PTPRR: variants seen among roughly 807,000 people sequenced by gnomAD.
The protein encoded by PTPRR is receptor-type tyrosine-protein phosphatase R.
In PTPRR, 38 loss-of-function variants were observed where a neutral mutation model predicts 77.2. That is an observed-to-expected ratio of 0.49 (90% CI 0.38 to 0.65). PTPRR has a LOEUF of 0.65. Among genes scored for constraint, PTPRR ranks in the 30% least tolerant of loss-of-function variants. The pLI is 0.00. For missense variants in PTPRR, 744 were observed against 799.2 expected (o/e 0.93, Z 0.83); for synonymous variants, 299 against 283.1 (o/e 1.06, Z -0.57).
intron 2 of PTPRR, among the ~76,000 whole-genome samples, chr12:70,866,151 A>G (rs1892841246): frequency 6.6e-6 from 1 of 152,086 alleles, no homozygotes; most frequent in South Asian, 2.1e-4. Flanking sequence ...AAACACATTC[A>G]AAAGCTAGCA....
chr12:70,709,764 T>C (rs1888756205), intron 6 of PTPRR, among the ~76,000 whole-genome samples: 1 of 152,050 alleles, frequency 6.6e-6, no homozygotes, highest in South Asian at 2.1e-4. Flanking sequence ...ATAAAATACC[T>C]AGGAATACAG....
At chr12:70,762,676 T>C (rs997922743) in intron 3 of PTPRR, among the ~76,000 whole-genome samples, 4 of 152,260 alleles carry the variant, frequency 2.6e-5, no homozygotes, top group Non-Finnish European at 4.4e-5. Context: ...ATCTCATTTA[T>C]TGCTCAAAAC....
At chr12:70,743,194 A>C (rs549843682) in intron 6 of PTPRR, among the ~76,000 whole-genome samples, 4 of 152,294 alleles carry the variant, frequency 2.6e-5, no homozygotes, top group African/African-American at 9.6e-5. Context: ...CATGCAAGAA[A>C]CAGAAAAATG....
intron 6 of PTPRR, among the ~76,000 whole-genome samples, chr12:70,741,101 G>C (rs570061439): frequency 6.6e-6 from 1 of 152,228 alleles, no homozygotes; most frequent in Middle Eastern, 3.4e-3. Flanking sequence ...GTAACTGCTG[G>C]GAGTTAACCT....
At chr12:70,837,968 C>T (rs1892333364) in intron 2 of PTPRR, among the ~76,000 whole-genome samples, 3 of 151,992 alleles carry the variant, frequency 2.0e-5, no homozygotes, top group Admixed American at 2.0e-4. Flanking sequence ...AGTTGTATGC[C>T]AGGAAATGAG....
chr12:70,776,153 T>A (rs1004605687), intron 2 of PTPRR, among the ~76,000 whole-genome samples: 1 of 152,188 alleles, frequency 6.6e-6, no homozygotes, highest in Non-Finnish European at 1.5e-5. Context: ...CTTCTCTTTC[T>A]ACATTCACAT....
intron 2 of PTPRR, among the ~76,000 whole-genome samples, chr12:70,878,242 T>A (rs899065763): frequency 6.6e-6 from 1 of 151,996 alleles, no homozygotes; most frequent in Admixed American, 6.5e-5. Context: ...AAGCCAAAAT[T>A]GACAAATGGG....
chr12:70,775,259 T>G (rs964030830), intron 2 of PTPRR, among the ~76,000 whole-genome samples: 1 of 152,186 alleles, frequency 6.6e-6, no homozygotes, highest in Admixed American at 6.5e-5. Flanking sequence ...ACCAGGCCTC[T>G]GTCTTGTTAG....
chr12:70,762,408 C>T (rs1890713889), intron 3 of PTPRR, among the ~76,000 whole-genome samples: 1 of 152,126 alleles, frequency 6.6e-6, no homozygotes, highest in African/African-American at 2.4e-5. Flanking sequence ...TTCTTTCTGA[C>T]ACATGGAGAG....
At chr12:70,845,796 C>T (rs1892474942) in intron 2 of PTPRR, among the ~76,000 whole-genome samples, 1 of 152,144 alleles carries the variant, frequency 6.6e-6, no homozygotes, top group South Asian at 2.1e-4. Flanking sequence ...TAAATTGCTA[C>T]ATTTCTCTCT....
At chr12:70,814,395 C>A (rs191111284) in intron 2 of PTPRR, among the ~76,000 whole-genome samples, 1 of 152,210 alleles carries the variant, frequency 6.6e-6, no homozygotes, top group East Asian at 1.9e-4. Flanking sequence ...GATCCCGGTG[C>A]CCCTTTCTCT....
intron 2 of PTPRR, among the ~76,000 whole-genome samples, chr12:70,875,799 T>C (rs570430070): frequency 5.9e-5 from 9 of 152,270 alleles, no homozygotes; most frequent in Non-Finnish European, 1.3e-4. Flanking sequence ...TGGATTATGT[T>C]CCAATAAACA....
At chr12:70,848,161 C>A (rs766986118) in intron 2 of PTPRR, among the ~76,000 whole-genome samples, 1 of 152,124 alleles carries the variant, frequency 6.6e-6, no homozygotes, top group African/African-American at 2.4e-5. Flanking sequence ...CAGGCCTAAA[C>A]GAACTGTCAA....
intron 4 of PTPRR, among the ~76,000 whole-genome samples, chr12:70,759,347 GT>G (rs1890635136): frequency 6.6e-6 from 1 of 152,146 alleles, no homozygotes; most frequent in South Asian, 2.1e-4. Flanking sequence ...AAAACCCACA[GT>G]GTAGAGATGA....
intron 13 of PTPRR, among the ~76,000 whole-genome samples, chr12:70,650,134 G>C (rs1886340903): frequency 6.6e-6 from 1 of 152,128 alleles, no homozygotes; most frequent in South Asian, 2.1e-4. Flanking sequence ...CTCCGAGTGG[G>C]GAAGACTTCG....
chr12:70,639,391 C>T, intron 13 of PTPRR, 114 bp from the exon 14 acceptor site: 1 of 1,392,832 alleles, frequency 7.2e-7, no homozygotes, highest in South Asian at 1.4e-5. Context: ...GAACAGTCGA[C>T]CTAGTGGTTC....
At chr12:70,752,226 G>A (rs1267090315) in intron 5 of PTPRR, among the ~76,000 whole-genome samples, 1 of 152,138 alleles carries the variant, frequency 6.6e-6, no homozygotes, top group Non-Finnish European at 1.5e-5. Flanking sequence ...GACCCGCAGA[G>A]AATATTCTGC....
intron 6 of PTPRR, among the ~76,000 whole-genome samples, chr12:70,706,468 A>T (rs1888623015): frequency 6.6e-6 from 1 of 152,110 alleles, no homozygotes; most frequent in South Asian, 2.1e-4. Context: ...ACCCAGGAAG[A>T]TGATATATGA....
chr12:70,873,126 T>A (rs956751234), intron 2 of PTPRR, among the ~76,000 whole-genome samples: 1 of 152,176 alleles, frequency 6.6e-6, no homozygotes, highest in Non-Finnish European at 1.5e-5. Flanking sequence ...CTTGGGGCTA[T>A]CCACAAAATA....
Sources: allele counts gnomAD v4.1 joint callset (sites outside exome capture counted in the v4.1 genomes callset), GRCh38; gene constraint gnomAD v4.1.1; transcripts MANE v1.5; gene names NCBI Gene and HGNC (gene_info 2026-07-23, HGNC 2026-07-21).